FSTL5: variants seen among roughly 807,000 people sequenced by gnomAD.
The protein encoded by FSTL5 is follistatin-related protein 5.
In FSTL5, 62 loss-of-function variants were observed where a neutral mutation model predicts 89.1. The observed-to-expected ratio is 0.70, with a 90% CI of 0.57 to 0.86. The LOEUF is 0.86. Among genes scored for constraint, FSTL5 ranks in the 40% least tolerant of loss-of-function variants. FSTL5 has a pLI of 0.00. For missense variants in FSTL5, 1,057 were observed against 1,001.6 expected, an observed-to-expected ratio of 1.06 and a Z score of -0.75; for synonymous variants, 383 against 346.2, an observed-to-expected ratio of 1.11 and a Z score of -1.18.
chr4:162,089,525 C>A (rs886184895), intron 2 of FSTL5, among the ~76,000 whole-genome samples: 2 of 149,144 alleles, frequency 1.3e-5, no homozygotes, highest in South Asian at 4.3e-4. Flanking sequence ...CCCAGCTACT[C>A]GGGAGGGTAA....
chr4:161,538,736 C>T (rs778367847), intron 9 of FSTL5, among the ~76,000 whole-genome samples: 5 of 151,932 alleles, frequency 3.3e-5, no homozygotes, highest in Admixed American at 6.6e-5. Context: ...CTAAATCATG[C>T]AGGTATACTA....
rs1189133989 is a variant in FSTL5, at chr4:161,615,235, A to G, written c.895-27660T>C. ...CGTGAACCCGGGAGGCGGAGCTTGC[A>G]GTGAGCAGAGATTGCACCACTGCAC... On this transcript the variant is annotated intron_variant, in intron 7 of 15. Coordinates refer to ENST00000306100, the MANE Select transcript of FSTL5 (RefSeq NM_020116.5). Among the ~76,000 whole-genome samples the G allele has an allele frequency of 2.0e-5, 3 of 147,378 alleles. No individual in the cohort carries two copies. In the East Asian group the frequency reaches 6.1e-4, roughly 30 times the overall value.
At chr4:161,597,503 T>C (rs1031312441) in intron 7 of FSTL5, among the ~76,000 whole-genome samples, 1 of 147,102 alleles carries the variant, frequency 6.8e-6, no homozygotes, top group African/African-American at 2.5e-5. Flanking sequence ...GGGGAAGGGA[T>C]AGCATTAGGA....
chr4:161,789,735 T>C (rs1018345679), intron 4 of FSTL5, among the ~76,000 whole-genome samples: 1 of 152,182 alleles, frequency 6.6e-6, no homozygotes, highest in Non-Finnish European at 1.5e-5. Context: ...AAATACATCA[T>C]TCTTTTGTTT....
At chr4:161,721,212 A>C (rs1324450474) in intron 6 of FSTL5, among the ~76,000 whole-genome samples, 1 of 134,954 alleles carries the variant, frequency 7.4e-6, no homozygotes, top group African/African-American at 2.6e-5. Flanking sequence ...CGGGAAGCGG[A>C]GCTTGCAGTG....
chr4:161,531,779 A>T (rs1731419340), intron 10 of FSTL5, among the ~76,000 whole-genome samples: 1 of 152,206 alleles, frequency 6.6e-6, no homozygotes, highest in African/African-American at 2.4e-5. Context: ...ATGCCCCTAC[A>T]TACTCATATC....
chr4:162,141,106 C>CTTTTTTTTTTT (rs3032092), intron 1 of FSTL5, among the ~76,000 whole-genome samples: 1 of 44,008 alleles, frequency 2.3e-5, no homozygotes, highest in African/African-American at 8.9e-5. Context: ...TCCCTTCTCT[C>CTTTTTTTTTTT]TTTTTTTTTT....
chr4:161,391,013 T>G (rs1730805782), intron 15 of FSTL5, among the ~76,000 whole-genome samples: 1 of 152,200 alleles, frequency 6.6e-6, no homozygotes. Flanking sequence ...CGCACGCGCA[T>G]TAATTGTTGC....
At chr4:161,654,021 A>G (rs2126680129) in intron 7 of FSTL5, among the ~76,000 whole-genome samples, 1 of 152,294 alleles carries the variant, frequency 6.6e-6, no homozygotes, top group East Asian at 1.9e-4. Context: ...TATAAAGTTT[A>G]TACAAAATAA....
At chr4:161,456,289 A>T (rs923234419) in intron 14 of FSTL5, among the ~76,000 whole-genome samples, 1 of 152,196 alleles carries the variant, frequency 6.6e-6, no homozygotes, top group Non-Finnish European at 1.5e-5. Flanking sequence ...TATGACTTTT[A>T]AAAGTAAAAT....
chr4:161,592,009 A>G (rs1248401272), intron 7 of FSTL5, among the ~76,000 whole-genome samples: 3 of 152,312 alleles, frequency 2.0e-5, no homozygotes, highest in South Asian at 2.1e-4. Context: ...ACTCAGGGAT[A>G]AAGACAGGAA....
At chr4:162,093,142 T>A (rs1391157394) in intron 2 of FSTL5, among the ~76,000 whole-genome samples, 2 of 151,986 alleles carry the variant, frequency 1.3e-5, no homozygotes, top group East Asian at 3.9e-4. Flanking sequence ...AACACTGAGA[T>A]AAACTAGAAT....
chr4:161,842,688 A>G (rs993102447), intron 4 of FSTL5, among the ~76,000 whole-genome samples: 1 of 152,040 alleles, frequency 6.6e-6, no homozygotes, highest in Non-Finnish European at 1.5e-5. Flanking sequence ...TGCTTTATTG[A>G]TTTTTGGCAA....
At chr4:161,636,648 T>G (rs997207836) in intron 7 of FSTL5, among the ~76,000 whole-genome samples, 9 of 144,432 alleles carry the variant, frequency 6.2e-5, no homozygotes, top group African/African-American at 1.8e-4. Flanking sequence ...GAGTGTGATA[T>G]TCCCCTTCCT....
intron 15 of FSTL5, among the ~76,000 whole-genome samples, chr4:161,433,118 TA>T (rs55646334): frequency 0.49 from 72,074 of 146,600 alleles, 17,735 homozygotes; most frequent in East Asian, 0.7. Flanking sequence ...AAAGACACAT[TA>T]AAAAAAAAAA....
intron 15 of FSTL5, among the ~76,000 whole-genome samples, chr4:161,451,171 T>C (rs1204687696): frequency 6.8e-6 from 1 of 146,124 alleles, no homozygotes; most frequent in African/African-American, 2.6e-5. Context: ...TTCCAAAATA[T>C]ACTCCTTTTG....
chr4:162,043,199 T>C (rs1738037377), intron 2 of FSTL5: 1 of 152,198 alleles, frequency 6.6e-6, no homozygotes, highest in Non-Finnish European at 1.5e-5. Flanking sequence ...TGTTTTGTAC[T>C]ACTAAGCTTT....
chr4:161,651,772 AT>A (rs1736352119), intron 7 of FSTL5, among the ~76,000 whole-genome samples: 1 of 152,214 alleles, frequency 6.6e-6, no homozygotes, highest in Non-Finnish European at 1.5e-5. Flanking sequence ...CTGAAGATTA[AT>A]TGGAATCCAG....
chr4:162,044,145 G>A (rs546292824), intron 2 of FSTL5, among the ~76,000 whole-genome samples: 1 of 152,234 alleles, frequency 6.6e-6, no homozygotes, highest in South Asian at 2.1e-4. Context: ...TCCATCAGAG[G>A]AATCACTGTC....
Sources: gnomAD v4.1 joint callset for allele counts (sites outside exome capture counted in the v4.1 genomes callset) on GRCh38, gnomAD v4.1.1 for gene constraint, MANE v1.5 for transcripts, NCBI Gene and HGNC (gene_info 2026-07-23, HGNC 2026-07-21) for gene names.